The following PLXNB1 variants were observed in gnomAD, a reference collection of about 807,000 sequenced individuals.
PLXNB1 encodes plexin-B1.
Under a neutral mutation model 209.4 loss-of-function variants are expected in PLXNB1, and 106 were observed. The ratio of observed to expected loss-of-function variants is 0.51; its 90% CI spans 0.43 to 0.59. PLXNB1 has a LOEUF of 0.59. Among genes scored for constraint, PLXNB1 ranks in the 20% least tolerant of loss-of-function variants. PLXNB1 has a pLI of 0.00. For missense variants in PLXNB1, 2,357 were observed against 2,853.2 expected, an observed-to-expected ratio of 0.83 and a Z score of 3.96; for synonymous variants, 1,167 against 1,183.2, an observed-to-expected ratio of 0.99 and a Z score of 0.28.
In PLXNB1 at chr3:48,423,890, G is replaced by C; in HGVS notation, c.722C>G (p.Ser241Cys). 6.2e-6 allele frequency: 10 copies of C among 1,614,054 alleles called. No homozygotes were observed. Among genetic ancestry groups the C allele is most frequent in the Non-Finnish European group, 8.5e-6 (10 of 1,180,006 alleles). The change falls in exon 3 of 38, where the codon TCT (serine) becomes TGT (cysteine). Residue 241 changes from serine (S) to cysteine (C), a missense_variant. Ser to Cys is a moderately radical substitution (Grantham distance 112). Transcript: ENST00000296440. ...LFLRRDLQAQ[S>C]RAFRAYVSRV... ...AGATACATAGGCACGAAAAGCTCTAGACTGAGCCTGCAGGTCCCGCCGCAG... is the reference window on the plus strand; with the variant it reads ...AGATACATAGGCACGAAAAGCTCTACACTGAGCCTGCAGGTCCCGCCGCAG...
rs935539866 is a variant in PLXNB1, at chr3:48,418,511, C to T, written c.2987G>A (p.Arg996His). 2.7e-5 allele frequency: 43 copies of T among 1,609,236 alleles called. 1 individual carries two copies. In the Admixed American group the frequency reaches 4.4e-4, roughly 16 times the overall value. Residue 996 changes from arginine (R) to histidine (H), a missense_variant, in exon 14 of 38, where the codon CGT becomes CAT. Physicochemically the swap from Arg to His is conservative, Grantham distance 29. Around this residue, in one of 7 missense-constraint regions of PLXNB1, gnomAD observed 410 missense variants for 401.0 expected, o/e 1.02. Coordinates refer to ENST00000296440, the MANE Select transcript of PLXNB1 (RefSeq NM_001130082.3). The surrounding 1 kb of genome is among the most constrained non-coding windows in gnomAD (Gnocchi z 6.6). Reference sequence around the variant, plus strand: ...GGCCCGACGCAGAAACAGCCCCACACGGAGCTCCGGCTGCAGAGCCTCATA... The same window carrying T: ...GGCCCGACGCAGAAACAGCCCCACATGGAGCTCCGGCTGCAGAGCCTCATA... Reference protein sequence around the residue: ...LSYEALQPELRVGLFLRRAGR... With the variant: ...LSYEALQPELHVGLFLRRAGR...
At position 48,405,954 on chromosome 3, in the gene PLXNB1, C is replaced by T. The variant is rs1355758619; in HGVS notation, c.6229-156G>A. 1 of 616,320 alleles carries T rather than the reference C, an allele frequency of 1.6e-6. No homozygotes were observed. The highest frequency in any genetic ancestry group is 2.4e-5 in the Admixed American group (1 of 42,518). The allele number at this position is 616,320 out of a possible 1,614,324, so 38.2% of individuals were successfully genotyped here. On this transcript the variant is annotated intron_variant, in intron 36 of 37. Transcript: ENST00000296440. This position sits in a 1 kb window ranked among gnomAD's most constrained non-coding sequence, Gnocchi z 5.0. Reference sequence around the variant, plus strand: ...GTGGGAAGCAGAGTCCCCTCCATGGCCCAGGGACCCCAGGCCAGGTGTGCC... The same window carrying T: ...GTGGGAAGCAGAGTCCCCTCCATGGTCCAGGGACCCCAGGCCAGGTGTGCC...
chr3:48,419,107 C>A lies in PLXNB1; in HGVS notation c.2833-68G>T. On this transcript the variant is annotated intron_variant, in intron 12 of 37. Coordinates refer to ENST00000296440, the MANE Select transcript of PLXNB1 (RefSeq NM_001130082.3). This position sits in a 1 kb window ranked among gnomAD's most constrained non-coding sequence, Gnocchi z 5.7. The stretch of plus-strand genomic sequence containing the variant: ...GGCCCAGGGAGTCCTGCAGGTCACC[C>A]AACAGATCCCCCAGCACAGCTTCTG... The A allele has an allele frequency of 6.3e-7, 1 of 1,595,446 alleles. No individual in the cohort carries two copies.
At chr3:48,428,868 G>A (rs534393811) in intron 1 of PLXNB1, among the ~76,000 whole-genome samples, 123 of 123,042 alleles carry the variant, frequency 1.0e-3, no homozygotes, top group African/African-American at 3.5e-3. Flanking sequence ...CAGTCCCACC[G>A]GGAGCAGCCA....
chr3:48,406,961 A>G lies in PLXNB1; in HGVS notation c.6153-63T>C. 1.2e-6 allele frequency: 2 copies of G among 1,608,004 alleles called. No homozygotes were observed. Among genetic ancestry groups the G allele is most frequent in the Admixed American group, 1.7e-5 (1 of 59,970 alleles). On this transcript the variant is annotated intron_variant, in intron 35 of 37. Coordinates refer to ENST00000296440, the MANE Select transcript of PLXNB1 (RefSeq NM_001130082.3). The surrounding 1 kb of genome is among the most constrained non-coding windows in gnomAD (Gnocchi z 4.4). ...CAAGCCCACTCCCCTGCTCCCAACCAGAGCCCACCCCCCAAGCCTCAGCTG... is the reference window on the plus strand; with the variant it reads ...CAAGCCCACTCCCCTGCTCCCAACCGGAGCCCACCCCCCAAGCCTCAGCTG...
At chr3:48,408,408 A>T (rs1302494244) in intron 34 of PLXNB1, among the ~76,000 whole-genome samples, 2 of 152,176 alleles carry the variant, frequency 1.3e-5, no homozygotes, top group African/African-American at 4.8e-5. Context: ...AGCCCCACTC[A>T]TGGACCTGCA....
rs183567631 is a variant in PLXNB1, at chr3:48,405,771, C to G, written c.6256G>C (p.Val2086Leu). ...WNYSGDLGARVALHELYKYIN... is the reference protein window; with the variant it reads ...WNYSGDLGARLALHELYKYIN... Reference sequence around the variant, plus strand: ...TACTTGTAGAGTTCATGCAGGGCCACTCGCGCCCCGAGGTCTCCGGAGTAG... The same window carrying G: ...TACTTGTAGAGTTCATGCAGGGCCAGTCGCGCCCCGAGGTCTCCGGAGTAG... Residue 2086 changes from valine (V) to leucine (L), a missense_variant, in exon 37 of 38, where the codon GTG becomes CTG. Val to Leu is a conservative substitution (Grantham distance 32). Transcript: ENST00000296440. The surrounding 1 kb of genome is among the most constrained non-coding windows in gnomAD (Gnocchi z 5.0). The G allele has an allele frequency of 1.5e-5, 24 of 1,613,774 alleles. No homozygotes were observed. The highest frequency in any genetic ancestry group is 1.7e-4 in the Middle Eastern group (1 of 6,058).
Position 48,420,777 on chromosome 3 carries a change from C to T in PLXNB1, c.1920-4G>A, listed in dbSNP as rs1215168459. ...GCTGCTCACACAGGCCTGGCACCTG[C>T]ACAGAGCACAGCCATGGGGCAAGGG... On this transcript the variant is annotated splice_polypyrimidine_tract_variant and splice_region_variant and intron_variant, in intron 9 of 37. Coordinates refer to ENST00000296440, the MANE Select transcript of PLXNB1 (RefSeq NM_001130082.3). The T allele has an allele frequency of 8.1e-6, 13 of 1,613,800 alleles. No individual in the cohort carries two copies. Among genetic ancestry groups the T allele is most frequent in the African/African-American group, 2.7e-5 (2 of 74,928 alleles).
rs1245470315 is a variant in PLXNB1 at position 48,429,550 on chromosome 3, GGC to G, written c.-60+456_-60+457del. The G allele has an allele frequency of 2.6e-5, 4 of 151,350 alleles. No homozygotes were observed. Among genetic ancestry groups the G allele is most frequent in the Middle Eastern group, 3.4e-3 (1 of 290 alleles). 9.4% of individuals were successfully genotyped at this position (151,350 alleles called of 1,614,324 possible). On this transcript the variant is annotated intron_variant, in intron 1 of 37. Transcript: ENST00000296440. This position sits in a 1 kb window ranked among gnomAD's most constrained non-coding sequence, Gnocchi z 6.4. ...AGGCCGGAAGCAGCCCGGAGAGCCG[GGC>G]GCGCGGCCCCGAACCGCCCGGGACC...
At position 48,404,330 on chromosome 3, in the gene PLXNB1, C is replaced by T; in HGVS notation, c.*156G>A. 1 of 590,968 alleles carries T rather than the reference C, an allele frequency of 1.7e-6. No individual in the cohort carries two copies. The highest frequency in any genetic ancestry group is 3.0e-6 in the Non-Finnish European group (1 of 334,036). 36.6% of individuals were successfully genotyped at this position (590,968 alleles called of 1,614,324 possible). ...CCCCGGGTCTAGGAGGTGGATCCAG[C>T]AGGGCCGAGGCCAGAGCCACCAGGA... On this transcript the variant is annotated 3_prime_UTR_variant, in exon 38 of 38. Transcript: ENST00000296440.
chr3:48,414,652 C>G (rs2037949231), intron 21 of PLXNB1, 147 bp downstream of exon 21: 1 of 1,099,198 alleles, frequency 9.1e-7, no homozygotes, highest in Non-Finnish European at 1.3e-6. Flanking sequence ...CCACCAGCCC[C>G]CTCTGCCCCC....
chr3:48,422,229 G>A (rs2038578450), intron 5 of PLXNB1, 24 bp from the exon 6 acceptor site: 2 of 1,612,722 alleles, frequency 1.2e-6, no homozygotes, highest in Non-Finnish European at 1.7e-6. Context: ...GAGGACCTGA[G>A]GCCAGCAATC....
rs972724377 is a variant in PLXNB1 at position 48,409,786 on chromosome 3, C to T, written c.5779-55G>A. On this transcript the variant is annotated intron_variant, in intron 32 of 37. Coordinates refer to ENST00000296440, the MANE Select transcript of PLXNB1 (RefSeq NM_001130082.3). The surrounding 1 kb of genome is among the most constrained non-coding windows in gnomAD (Gnocchi z 5.8). ...GTCAGCAAAGGGCCCTCAGCAGCAG[C>T]CCAGCCTCAGACACCCCCCGGCACT... 132 of 1,593,032 alleles carry T rather than the reference C, an allele frequency of 8.3e-5. No homozygotes were observed. The highest frequency in any genetic ancestry group is 1.1e-4 in the Non-Finnish European group (123 of 1,167,108).
At position 48,423,838 on chromosome 3, in the gene PLXNB1, G is replaced by A; in HGVS notation, c.774C>T (p.Tyr258=). The change falls in exon 3 of 38, where the codon TAC becomes TAT. Residue 258 remains tyrosine, a synonymous_variant. Transcript: ENST00000296440. ...VSRVCLRDQH[Y]YSYVELPLAC... is the part of the protein sequence containing the mutation. ...CCAGAGGCAACTCCACATAGGAGTA[G>A]TAGTGCTGGTCCCGGAGACACACTC... 1 of 1,614,062 alleles carries A rather than the reference G, an allele frequency of 6.2e-7. No individual in the cohort carries two copies. Among genetic ancestry groups the A allele is most frequent in the Non-Finnish European group, 8.5e-7 (1 of 1,180,034 alleles).
Position 48,411,858 on chromosome 3 carries a change from C to G in PLXNB1, c.5247+5G>C. On this transcript the variant is annotated splice_donor_5th_base_variant and intron_variant, in intron 28 of 37. Coordinates refer to ENST00000296440, the MANE Select transcript of PLXNB1 (RefSeq NM_001130082.3). The surrounding 1 kb of genome is among the most constrained non-coding windows in gnomAD (Gnocchi z 4.0). ...ACTGCAGGCCACACACTTGCACACC[C>G]TCACCAGGGGACGGTACTCCACATC... 6.2e-7 allele frequency: 1 copy of G among 1,613,646 alleles called. No individual in the cohort carries two copies.
In PLXNB1 at chr3:48,405,453, G is replaced by A. The variant is rs2037257100; in HGVS notation, c.6303+271C>T. Among the ~76,000 whole-genome samples the A allele has an allele frequency of 6.6e-6, 1 of 152,172 alleles. No homozygotes were observed. The highest frequency in any genetic ancestry group is 1.5e-5 in the Non-Finnish European group (1 of 68,022). On this transcript the variant is annotated intron_variant, in intron 37 of 37. Transcript: ENST00000296440. The surrounding 1 kb of genome is among the most constrained non-coding windows in gnomAD (Gnocchi z 5.0). ...CAAATGCACACCATCTCCAGGCCCT[G>A]GTAGACCCCTTGGCCCCCACAACCA... is the stretch of plus-strand genomic sequence containing the variant.
rs1460062769 is a variant in PLXNB1 at position 48,424,592 on chromosome 3, G to GCT, written c.18_19dup (p.Ala7GlufsTer53). On this transcript the variant is annotated frameshift_variant, in exon 3 of 38. Transcript: ENST00000296440. LOFTEE classifies it high-confidence loss of function. ...CCCGGCCCAGAGAGCCTGGAGAAGA[G>GCT]CTGGGCCCAGAGCAGGCATGGTCAC... 5.2e-6 allele frequency: 8 copies of GCT among 1,540,612 alleles called. No individual in the cohort carries two copies. Among genetic ancestry groups the GCT allele is most frequent in the Non-Finnish European group, 6.1e-6 (7 of 1,147,792 alleles).
Position 48,405,675 on chromosome 3 carries a change from CT to C in PLXNB1, c.6303+48del. On this transcript the variant is annotated intron_variant, in intron 37 of 37. Coordinates refer to ENST00000296440, the MANE Select transcript of PLXNB1 (RefSeq NM_001130082.3). The surrounding 1 kb of genome is among the most constrained non-coding windows in gnomAD (Gnocchi z 5.0). ...ACAGGGTCAGAGCCCCTTAAGTCTCCTGGGAGGCCTTGGGTCAGCCTCCCAG... is the reference window on the plus strand; with the variant it reads ...ACAGGGTCAGAGCCCCTTAAGTCTCCGGGAGGCCTTGGGTCAGCCTCCCAG... 6.8e-7 allele frequency: 1 copy of C among 1,466,028 alleles called. No individual in the cohort carries two copies. Among genetic ancestry groups the C allele is most frequent in the Non-Finnish European group, 9.5e-7 (1 of 1,050,674 alleles). 90.8% of individuals were successfully genotyped at this position (1,466,028 alleles called of 1,614,324 possible).
rs2305966 is a variant in PLXNB1 at position 48,419,207 on chromosome 3, G to A, written c.2832+37C>T. Reference sequence around the variant, plus strand: ...TGTGCAGAGTTTCTCAACAGCTAAGGAGGCTGCAAGGACAGCGGCAGGCAG... The same window carrying A: ...TGTGCAGAGTTTCTCAACAGCTAAGAAGGCTGCAAGGACAGCGGCAGGCAG... On this transcript the variant is annotated intron_variant, in intron 12 of 37. Transcript: ENST00000296440. The surrounding 1 kb of genome is among the most constrained non-coding windows in gnomAD (Gnocchi z 5.7). 94 of 1,546,796 alleles carry A rather than the reference G, an allele frequency of 6.1e-5. No homozygotes were observed. In the East Asian group the frequency reaches 2.1e-3, roughly 34 times the overall value.
Sources: allele counts gnomAD v4.1 joint callset (sites outside exome capture counted in the v4.1 genomes callset), GRCh38; gene constraint gnomAD v4.1.1; regional missense constraint gnomAD v4.1.1; non-coding constraint Gnocchi (gnomAD v3.1); transcripts MANE v1.5; gene names NCBI Gene and HGNC (gene_info 2026-07-23, HGNC 2026-07-21).